Variants in CPQ observed in about 807,000 individuals in gnomAD.
The protein encoded by CPQ is carboxypeptidase Q.
A neutral mutation model predicts 45.7 loss-of-function variants in CPQ; 37 were observed. That is an observed-to-expected ratio of 0.81 (90% CI 0.62 to 1.07). The LOEUF (loss-of-function observed/expected upper bound fraction) is 1.07, where lower values mean the gene tolerates loss of function less well. CPQ is among the 50% of genes least tolerant of loss of function. The pLI is 0.00. For missense variants in CPQ, 537 were observed against 572.9 expected (o/e 0.94, Z 0.64); for synonymous variants, 186 against 205.8 (o/e 0.90, Z 0.82).
intron 6 of CPQ, among the ~76,000 whole-genome samples, chr8:97,058,467 AT>A (rs760443185): frequency 6.6e-6 from 1 of 152,168 alleles, no homozygotes; most frequent in Non-Finnish European, 1.5e-5. Context: ...GTGTTGGTTT[AT>A]TTAGCATGTC....
chr8:97,032,515 G>A (rs73281749), intron 6 of CPQ, among the ~76,000 whole-genome samples: 3,123 of 152,326 alleles, frequency 0.021, 99 homozygotes, highest in African/African-American at 0.07. Context: ...GCTCTATACT[G>A]TAGGCTGGGA....
chr8:97,043,576 T>G (rs1810174618), intron 6 of CPQ, among the ~76,000 whole-genome samples: 1 of 152,246 alleles, frequency 6.6e-6, no homozygotes, highest in South Asian at 2.1e-4. Context: ...AGTTTCTTCC[T>G]AGCCTCGATG....
chr8:96,670,051 C>G (rs1273635907), intron 1 of CPQ, among the ~76,000 whole-genome samples: 1 of 152,206 alleles, frequency 6.6e-6, no homozygotes, highest in Non-Finnish European at 1.5e-5. Flanking sequence ...GAACTCATAT[C>G]TGAACAAAGC....
intron 1 of CPQ, among the ~76,000 whole-genome samples, chr8:96,731,789 A>AT (rs532509981): frequency 6.6e-5 from 10 of 152,060 alleles, no homozygotes; most frequent in South Asian, 4.2e-4. Flanking sequence ...GGAGTTATTG[A>AT]TTTTTTTTGT....
chr8:96,863,336 G>C (rs1811954069), intron 3 of CPQ, among the ~76,000 whole-genome samples: 1 of 151,902 alleles, frequency 6.6e-6, no homozygotes, highest in Admixed American at 6.6e-5. Flanking sequence ...GACTTGGGGT[G>C]GGAAGCAGGA....
intron 7 of CPQ, among the ~76,000 whole-genome samples, chr8:97,121,352 T>C (rs1811699377): frequency 1.3e-5 from 2 of 152,210 alleles, no homozygotes; most frequent in Non-Finnish European, 2.9e-5. Flanking sequence ...AGGTTGTTGT[T>C]GGACAACAGG....
chr8:96,876,922 G>T (rs1479767995), intron 3 of CPQ, among the ~76,000 whole-genome samples: 1 of 152,122 alleles, frequency 6.6e-6, no homozygotes, highest in Non-Finnish European at 1.5e-5. Flanking sequence ...GTCTGGTTTT[G>T]ATGACAGTAA....
intron 3 of CPQ, among the ~76,000 whole-genome samples, chr8:96,853,528 CACAA>C (rs374467049): frequency 2.4e-4 from 36 of 151,508 alleles, no homozygotes; most frequent in Non-Finnish European, 8.8e-5. Context: ...ATTTTAGGTA[CACAA>C]ACAAAGCAGA....
At chr8:96,710,627 G>T (rs979109999) in intron 1 of CPQ, among the ~76,000 whole-genome samples, 1 of 152,032 alleles carries the variant, frequency 6.6e-6, no homozygotes, top group African/African-American at 2.4e-5. Flanking sequence ...GGAGCTGATT[G>T]CTTAATTTCC....
rs541830284 is a variant in CPQ, at chr8:97,089,702, A to G, written c.1255+23492A>G. Among the ~76,000 whole-genome samples the G allele has an allele frequency of 7.9e-5, 12 of 152,242 alleles. No individual in the cohort carries two copies. The East Asian group carries it at 2.3e-3, about 29-fold the overall frequency. ...CATCTGTCATTTTTTCCTTTTTAACACTACCCTTTATGTGTATTGAACTCA... is the reference window on the plus strand; with the variant it reads ...CATCTGTCATTTTTTCCTTTTTAACGCTACCCTTTATGTGTATTGAACTCA... On this transcript the variant is annotated intron_variant, in intron 7 of 7. Transcript: ENST00000220763.
chr8:96,786,399 A>G (rs1396355787), intron 2 of CPQ, among the ~76,000 whole-genome samples: 3 of 152,024 alleles, frequency 2.0e-5, no homozygotes, highest in African/African-American at 7.2e-5. Flanking sequence ...TTATGGATGT[A>G]CCACATTTTT....
intron 4 of CPQ, among the ~76,000 whole-genome samples, chr8:96,889,696 G>C (rs992316547): frequency 1.8e-4 from 28 of 152,256 alleles, no homozygotes; most frequent in East Asian, 9.7e-4. Flanking sequence ...AGGCCCGAGA[G>C]CCCTTGGCAA....
At chr8:96,984,867 G>A (rs1036683737) in intron 5 of CPQ, among the ~76,000 whole-genome samples, 1 of 152,124 alleles carries the variant, frequency 6.6e-6, no homozygotes, top group East Asian at 1.9e-4. Context: ...TTATGATTTA[G>A]TTAGTACTTA....
At chr8:96,747,290 C>G (rs369229061) in intron 1 of CPQ, among the ~76,000 whole-genome samples, 4 of 96,830 alleles carry the variant, frequency 4.1e-5, no homozygotes, top group Non-Finnish European at 6.2e-5. Flanking sequence ...ATCTTTGTCT[C>G]AAAAAAAAAA....
At chr8:96,787,351 A>G (rs1193598357) in intron 2 of CPQ, among the ~76,000 whole-genome samples, 1 of 152,006 alleles carries the variant, frequency 6.6e-6, no homozygotes, top group Non-Finnish European at 1.5e-5. Context: ...GGTGCATTAC[A>G]TTAATTGATT....
intron 1 of CPQ, among the ~76,000 whole-genome samples, chr8:96,752,359 G>A (rs902959746): frequency 2.0e-5 from 3 of 152,042 alleles, no homozygotes; most frequent in South Asian, 4.1e-4. Flanking sequence ...CTTGTTAGCT[G>A]TATTCCTAGG....
chr8:97,134,904 A>T (rs1812023969), intron 7 of CPQ, among the ~76,000 whole-genome samples: 1 of 152,208 alleles, frequency 6.6e-6, no homozygotes, highest in South Asian at 2.1e-4. Flanking sequence ...ACAAGCAGTG[A>T]CTATTATTCT....
chr8:96,887,587 A>G (rs1812321143), intron 4 of CPQ, among the ~76,000 whole-genome samples: 1 of 111,788 alleles, frequency 8.9e-6, no homozygotes, highest in Non-Finnish European at 1.9e-5. Flanking sequence ...ACTGATCCTA[A>G]ACTGGACTCT....
intron 4 of CPQ, among the ~76,000 whole-genome samples, chr8:96,963,035 T>C (rs1813488576): frequency 6.6e-6 from 1 of 152,170 alleles, no homozygotes; most frequent in South Asian, 2.1e-4. Context: ...AAACCATCTT[T>C]CCAATTTTTT....
Sources: allele counts gnomAD v4.1 joint callset (sites outside exome capture counted in the v4.1 genomes callset), GRCh38; gene constraint gnomAD v4.1.1; transcripts MANE v1.5; gene names NCBI Gene and HGNC (gene_info 2026-07-23, HGNC 2026-07-21).